Variants in IQCC observed in about 807,000 individuals in gnomAD.
IQCC encodes the protein IQ domain-containing protein C.
A neutral mutation model predicts 27.0 loss-of-function variants in IQCC; 23 were observed. That is an observed-to-expected ratio of 0.85 (90% CI 0.61 to 1.21). The LOEUF is 1.21. Ranked by LOEUF, IQCC falls within the 50% of genes most tolerant of loss-of-function variation. IQCC has a pLI of 0.00. For missense variants in IQCC, 552 were observed against 562.3 expected, an observed-to-expected ratio of 0.98 and a Z score of 0.19; for synonymous variants, 220 against 217.2, an observed-to-expected ratio of 1.01 and a Z score of -0.11.
intron 2 of IQCC, 106 bp downstream of exon 2, chr1:32,206,403 C>T: frequency 6.3e-7 from 1 of 1,598,348 alleles, no homozygotes; most frequent in South Asian, 1.1e-5. Context: ...GACTCACCTC[C>T]TCACACCCCA....
rs903558449 is a variant in IQCC, at chr1:32,208,519, G to C, written c.*437G>C. On this transcript the variant is annotated 3_prime_UTR_variant, in exon 5 of 5. Transcript: ENST00000291358. ...CTCGGGAGGCTGAGACAGGAGAATCGCTTGAACCCAGGAGATGGAGATTGC... is the reference window on the plus strand; with the variant it reads ...CTCGGGAGGCTGAGACAGGAGAATCCCTTGAACCCAGGAGATGGAGATTGC... 5.8e-6 allele frequency: 1 copy of C among 171,714 alleles called. No homozygotes were observed. The highest frequency in any genetic ancestry group is 2.4e-5 in the African/African-American group (1 of 41,818). 10.6% of individuals were successfully genotyped at this position (171,714 alleles called of 1,614,324 possible). A position where few individuals can be genotyped will look rare whatever the true frequency, so the allele number is the denominator to read the frequency against.
Position 32,207,617 on chromosome 1 carries a change from C to G in IQCC, c.936C>G (p.Thr312=). Residue 312 remains threonine, a synonymous_variant, in exon 5 of 5, where the codon ACC becomes ACG. Transcript: ENST00000291358. ...PDDGRQTFGG[T]CLLQMKILED... ...ATGGAAGACAGACCTTTGGAGGGAC[C>G]TGCCTGCTGCAGATGAAAATCCTGG... 2 of 1,613,900 alleles carry G rather than the reference C, an allele frequency of 1.2e-6. No individual in the cohort carries two copies. The highest frequency in any genetic ancestry group is 1.7e-6 in the Non-Finnish European group (2 of 1,179,994).
At chr1:32,206,865 CGTCTT>C in intron 3 of IQCC, 104 bp downstream of exon 3, 5 of 1,473,926 alleles carry the variant, frequency 3.4e-6, no homozygotes, top group Non-Finnish European at 4.7e-6. Context: ...ATCCCTTTCC[CGTCTT>C]CCCTCTGCCG....
chr1:32,208,036 AG>A lies in IQCC; in HGVS notation c.1357del (p.Glu453AsnfsTer17), dbSNP rs1472315449. The stretch of plus-strand genomic sequence containing the variant: ...TCTACAAAGGCAGGCTGTACAGGAG[AG>A]GAACAGTGGAGGGGCAGGCCATGGA... ...LSSTKAGCTG[E>X]EQWRGRPWKT... On this transcript the variant is annotated frameshift_variant, in exon 5 of 5. Transcript: ENST00000291358. LOFTEE classifies it high-confidence loss of function. 3 of 1,613,902 alleles carry A rather than the reference AG, an allele frequency of 1.9e-6. No homozygotes were observed. The African/African-American group carries it at 4.0e-5, about 22-fold the overall frequency.
At position 32,207,652 on chromosome 1, in the gene IQCC, C is replaced by T; in HGVS notation, c.971C>T (p.Thr324Ile). The T allele has an allele frequency of 1.2e-6, 2 of 1,614,002 alleles. No individual in the cohort carries two copies. Among genetic ancestry groups the T allele is most frequent in the Admixed American group, 1.7e-5 (1 of 60,016 alleles). Residue 324 changes from threonine to isoleucine, a missense_variant, in exon 5 of 5, where the codon ACC becomes ATC. By Grantham distance (89) the Thr-to-Ile change is moderately conservative. Coordinates refer to ENST00000291358, the MANE Select transcript of IQCC (RefSeq NM_018134.3). ...CAGATGAAAATCCTGGAGGACCAGA[C>T]CCCCAGAGGTTTAAAACCTAGGAAC... The part of the protein sequence containing the change: ...LLQMKILEDQ[T>I]PRGLKPRNHC...
chr1:32,205,807 T>C lies in IQCC; in HGVS notation c.42+84T>C, dbSNP rs746259970. 6 of 1,578,778 alleles carry C rather than the reference T, an allele frequency of 3.8e-6. No individual in the cohort carries two copies. In the African/African-American group the frequency reaches 8.0e-5, roughly 21 times the overall value. On this transcript the variant is annotated intron_variant, in intron 1 of 4. Coordinates refer to ENST00000291358, the MANE Select transcript of IQCC (RefSeq NM_018134.3). The surrounding 1 kb of genome is among the most constrained non-coding windows in gnomAD (Gnocchi z 5.6). ...GTACCTGGACCTCCCAGCGAGATGC[T>C]ACCACGTTCAGTCCCCTAACTGCGC...
At position 32,206,612 on chromosome 1, in the gene IQCC, C is replaced by T. The variant is rs766109179; in HGVS notation, c.290C>T (p.Thr97Ile). ...TGTGAAGAGTCTGAGGGAGAGGCCA[C>T]CTGGGAGGAGATGGTGCTGAAGAAG... ...FPCEESEGEA[T>I]WEEMVLKKSG... is the part of the protein sequence containing the mutation. The change falls in exon 3 of 5, where the codon ACC becomes ATC. Residue 97 changes from threonine (T) to isoleucine (I), a missense_variant. Thr to Ile is a moderately conservative substitution (Grantham distance 89). Coordinates refer to ENST00000291358, the MANE Select transcript of IQCC (RefSeq NM_018134.3). 1 of 1,614,060 alleles carries T rather than the reference C, an allele frequency of 6.2e-7. No homozygotes were observed. Among genetic ancestry groups the T allele is most frequent in the African/African-American group, 1.3e-5 (1 of 74,912 alleles).
rs1643406679 is a variant in IQCC at position 32,207,626 on chromosome 1, G to A, written c.945G>A (p.Leu315=). 1.2e-6 allele frequency: 2 copies of A among 1,613,844 alleles called. No individual in the cohort carries two copies. Among genetic ancestry groups the A allele is most frequent in the Non-Finnish European group, 1.7e-6 (2 of 1,180,006 alleles). Reference sequence around the variant, plus strand: ...AGACCTTTGGAGGGACCTGCCTGCTGCAGATGAAAATCCTGGAGGACCAGA... The same window carrying A: ...AGACCTTTGGAGGGACCTGCCTGCTACAGATGAAAATCCTGGAGGACCAGA... The part of the protein sequence containing the change: ...GRQTFGGTCL[L]QMKILEDQTP... Residue 315 remains leucine, a synonymous_variant, in exon 5 of 5, where the codon CTG becomes CTA. Transcript: ENST00000291358.
intron 1 of IQCC, 32 bp from the exon 2 acceptor site, chr1:32,206,122 A>G: frequency 6.2e-7 from 1 of 1,613,728 alleles, no homozygotes; most frequent in Non-Finnish European, 8.5e-7. Context: ...TACCGTGATA[A>G]GGGACTTCTT....
At position 32,206,171 on chromosome 1, in the gene IQCC, C is replaced by T. The variant is rs560005382; in HGVS notation, c.60C>T (p.Phe20=). 54 of 1,613,842 alleles carry T rather than the reference C, an allele frequency of 3.3e-5. 2 individuals are homozygous for T. The South Asian group carries it at 5.9e-4, about 18-fold the overall frequency. The change falls in exon 2 of 5, where the codon TTC becomes TTT. Residue 20 remains phenylalanine (F), a synonymous_variant. Transcript: ENST00000291358. The part of the protein sequence containing the change: ...VSALQACVRG[F]LVRRQFQSLR... Reference sequence around the variant, plus strand: ...CATACCAGGCCTGCGTCCGGGGCTTCTTGGTCCGACGCCAGTTCCAGAGCC... The same window carrying T: ...CATACCAGGCCTGCGTCCGGGGCTTTTTGGTCCGACGCCAGTTCCAGAGCC...
chr1:32,206,587 T>A lies in IQCC; in HGVS notation c.265T>A (p.Cys89Ser). ...GCAGGGGCTGTGGAACCACTTCCCA[T>A]GTGAAGAGTCTGAGGGAGAGGCCAC... ...PEQGLWNHFPCEESEGEATWE... is the reference protein window; with the variant it reads ...PEQGLWNHFPSEESEGEATWE... The change falls in exon 3 of 5, where the codon TGT becomes AGT. Residue 89 changes from cysteine (C) to serine (S), a missense_variant. Physicochemically the swap from Cys to Ser is moderately radical, Grantham distance 112. Transcript: ENST00000291358. 6.2e-7 allele frequency: 1 copy of A among 1,614,158 alleles called. No homozygotes were observed. Among genetic ancestry groups the A allele is most frequent in the Non-Finnish European group, 8.5e-7 (1 of 1,180,012 alleles).
At chr1:32,206,436 T>G (rs1442716008) in intron 2 of IQCC, 73 bp from the exon 3 acceptor site, 15 of 1,605,704 alleles carry the variant, frequency 9.3e-6, no homozygotes, top group Admixed American at 8.4e-5. Flanking sequence ...CACCAACTTG[T>G]CTGCTAGATC....
At position 32,208,122 on chromosome 1, in the gene IQCC, A is replaced by G. The variant is rs1643435787; in HGVS notation, c.*40A>G. The G allele has an allele frequency of 2.6e-6, 4 of 1,527,156 alleles. No homozygotes were observed. Among genetic ancestry groups the G allele is most frequent in the Non-Finnish European group, 3.5e-6 (4 of 1,137,210 alleles). 94.6% of individuals were successfully genotyped at this position (1,527,156 alleles called of 1,614,324 possible). A position where few individuals can be genotyped will look rare whatever the true frequency, so the allele number is the denominator to read the frequency against. On this transcript the variant is annotated 3_prime_UTR_variant, in exon 5 of 5. Transcript: ENST00000291358. ...GGAGAGGATCAGGTTCCAAAGGGGAATGCTATGAAAGGGCAGTGAGACAAG... is the reference window on the plus strand; with the variant it reads ...GGAGAGGATCAGGTTCCAAAGGGGAGTGCTATGAAAGGGCAGTGAGACAAG...
chr1:32,207,002 A>C lies in IQCC; in HGVS notation c.440A>C (p.Glu147Ala), dbSNP rs2124199176. The change falls in exon 4 of 5, where the codon GAA becomes GCA. Residue 147 changes from glutamate to alanine, a missense_variant and splice_region_variant. Coordinates refer to ENST00000291358, the MANE Select transcript of IQCC (RefSeq NM_018134.3). ...CCTTCCTTTCTTCCCTCCTTCACAG[A>C]AGCCACAGATCAAAGACTGCCCCAC... ...TRDTTRMENP[E>A]ATDQRLPHSQ... 4 of 1,605,640 alleles carry C rather than the reference A, an allele frequency of 2.5e-6. No individual in the cohort carries two copies. In the East Asian group the frequency reaches 8.9e-5, roughly 36 times the overall value.
chr1:32,207,797 A>G lies in IQCC; in HGVS notation c.1116A>G (p.Gln372=). The G allele has an allele frequency of 6.2e-7, 1 of 1,614,090 alleles. No homozygotes were observed. Among genetic ancestry groups the G allele is most frequent in the Non-Finnish European group, 8.5e-7 (1 of 1,180,018 alleles). Residue 372 remains glutamine (Q), a synonymous_variant, in exon 5 of 5, where the codon CAA becomes CAG. Coordinates refer to ENST00000291358, the MANE Select transcript of IQCC (RefSeq NM_018134.3). ...CTGACTGCCGAACAGTCAGGACACA[A>G]GAGTTGGGCCTCTCAGAGGACCACA... ...KEPDCRTVRT[Q]ELGLSEDHII...
rs762621989 is a variant in IQCC, at chr1:32,207,794, A to G, written c.1113A>G (p.Thr371=). The G allele has an allele frequency of 1.2e-6, 2 of 1,614,076 alleles. No individual in the cohort carries two copies. The highest frequency in any genetic ancestry group is 1.7e-6 in the Non-Finnish European group (2 of 1,180,014). The change falls in exon 5 of 5, where the codon ACA becomes ACG. Residue 371 remains threonine, a synonymous_variant. Transcript: ENST00000291358. ...AGCCTGACTGCCGAACAGTCAGGAC[A>G]CAAGAGTTGGGCCTCTCAGAGGACC... ...HKEPDCRTVR[T]QELGLSEDHI...
chr1:32,207,563 G>T lies in IQCC; in HGVS notation c.882G>T (p.Leu294Phe). The change falls in exon 5 of 5, where the codon TTG becomes TTT. Residue 294 changes from leucine (L) to phenylalanine (F), a missense_variant. By Grantham distance (22) the Leu-to-Phe change is conservative. Coordinates refer to ENST00000291358, the MANE Select transcript of IQCC (RefSeq NM_018134.3). ...PSSIPSNSQA[L>F]GDRLTKGPDD... ...CTATACCATCAAACAGCCAGGCCTTGGGGGACAGGCTCACCAAAGGGCCAG... is the reference window on the plus strand; with the variant it reads ...CTATACCATCAAACAGCCAGGCCTTTGGGGACAGGCTCACCAAAGGGCCAG... 1 of 1,612,442 alleles carries T rather than the reference G, an allele frequency of 6.2e-7. No individual in the cohort carries two copies. Among genetic ancestry groups the T allele is most frequent in the Non-Finnish European group, 8.5e-7 (1 of 1,179,216 alleles).
In IQCC at chr1:32,208,681, G is replaced by A. The variant is rs1489704236; in HGVS notation, c.*599G>A. 5.3e-6 allele frequency: 1 copy of A among 190,412 alleles called. No individual in the cohort carries two copies. The highest frequency in any genetic ancestry group is 1.1e-5 in the Non-Finnish European group (1 of 92,150). The allele number at this position is 190,412 out of a possible 1,614,324, so 11.8% of individuals were successfully genotyped here. ...CTGTTGGGAATAAAGGTTTTTCTTA[G>A]ATTCTGAGTCTGGCTGCTTTCATTT... is the stretch of plus-strand genomic sequence containing the variant. On this transcript the variant is annotated 3_prime_UTR_variant, in exon 5 of 5. Transcript: ENST00000291358.
chr1:32,207,584 G>C lies in IQCC; in HGVS notation c.903G>C (p.Gly301=). The change falls in exon 5 of 5, where the codon GGG becomes GGC. Residue 301 remains glycine (G), a synonymous_variant. Coordinates refer to ENST00000291358, the MANE Select transcript of IQCC (RefSeq NM_018134.3). ...SQALGDRLTK[G]PDDGRQTFGG... ...CCTTGGGGGACAGGCTCACCAAAGGGCCAGACGATGGAAGACAGACCTTTG... is the reference window on the plus strand; with the variant it reads ...CCTTGGGGGACAGGCTCACCAAAGGCCCAGACGATGGAAGACAGACCTTTG... The C allele has an allele frequency of 6.2e-7, 1 of 1,613,324 alleles. No homozygotes were observed. The highest frequency in any genetic ancestry group is 8.5e-7 in the Non-Finnish European group (1 of 1,179,772).
Sources: gnomAD v4.1 joint callset for allele counts on GRCh38, gnomAD v4.1.1 for gene constraint, Gnocchi (gnomAD v3.1) non-coding constraint, MANE v1.5 for transcripts, NCBI Gene and HGNC (gene_info 2026-07-23, HGNC 2026-07-21) for gene names.